PIK3C2G: variants seen among roughly 807,000 people sequenced by gnomAD.
PIK3C2G encodes phosphatidylinositol-4-phosphate 3-kinase catalytic subunit type 2 gamma.
A neutral mutation model predicts 181.1 loss-of-function variants in PIK3C2G; 168 were observed. That is an observed-to-expected ratio of 0.93 (90% CI 0.82 to 1.05). The LOEUF (loss-of-function observed/expected upper bound fraction) is 1.05, where lower values mean the gene tolerates loss of function less well. Among genes scored for constraint, PIK3C2G ranks in the 50% least tolerant of loss-of-function variants. The pLI is 0.00. For synonymous variants in PIK3C2G, 573 were observed against 592.2 expected (o/e 0.97, Z 0.47); for missense variants, 1,869 against 1,732.8 (o/e 1.08, Z -1.40).
At chr12:18,416,572 T>C (rs1945193370) in intron 16 of PIK3C2G, among the ~76,000 whole-genome samples, 1 of 152,224 alleles carries the variant, frequency 6.6e-6, no homozygotes, top group Non-Finnish European at 1.5e-5. Flanking sequence ...AATGCTCATT[T>C]ACTATTTCAA....
intron 2 of PIK3C2G, among the ~76,000 whole-genome samples, chr12:18,285,636 C>A (rs1949413263): frequency 6.6e-6 from 1 of 151,640 alleles, no homozygotes. Flanking sequence ...AATAGTAGTT[C>A]TAAGTAAACT....
At chr12:18,555,454 C>A (rs1944956914) in intron 26 of PIK3C2G, among the ~76,000 whole-genome samples, 1 of 152,256 alleles carries the variant, frequency 6.6e-6, no homozygotes, top group Admixed American at 6.5e-5. Context: ...CTGATAGACT[C>A]AATTGCCCAT....
chr12:18,622,515 T>TA (rs1472104469), intron 31 of PIK3C2G, among the ~76,000 whole-genome samples: 1 of 151,910 alleles, frequency 6.6e-6, no homozygotes, highest in African/African-American at 2.4e-5. Context: ...CTGCAATAAA[T>TA]ATGGCAGTGC....
intron 11 of PIK3C2G, among the ~76,000 whole-genome samples, chr12:18,355,977 A>G (rs190769263): frequency 2.6e-5 from 4 of 152,312 alleles, no homozygotes; most frequent in African/African-American, 9.6e-5. Context: ...TGACACCTTG[A>G]TAGACACTTG....
At chr12:18,554,109 A>T (rs1327800511) in intron 26 of PIK3C2G, among the ~76,000 whole-genome samples, 1 of 152,066 alleles carries the variant, frequency 6.6e-6, no homozygotes, top group Non-Finnish European at 1.5e-5. Context: ...AATATCCTAA[A>T]ATTGTTCAAC....
chr12:18,275,397 T>C (rs1486284522), intron 1 of PIK3C2G, among the ~76,000 whole-genome samples: 1 of 152,208 alleles, frequency 6.6e-6, no homozygotes, highest in Non-Finnish European at 1.5e-5. Context: ...TTTATTTTTT[T>C]TGAGATGGAG....
intron 20 of PIK3C2G, among the ~76,000 whole-genome samples, 162 bp downstream of exon 20, chr12:18,491,720 A>C (rs1160106977): frequency 1.3e-5 from 2 of 152,198 alleles, no homozygotes; most frequent in African/African-American, 4.8e-5. Flanking sequence ...CCTTTGATAC[A>C]CTAAGACCAG....
intron 24 of PIK3C2G, among the ~76,000 whole-genome samples, chr12:18,520,917 G>A (rs1248909838): frequency 2.6e-5 from 4 of 152,044 alleles, no homozygotes; most frequent in Admixed American, 2.6e-4. Context: ...CCCTTGGATG[G>A]GGTTTTTGTG....
At chr12:18,347,903 G>A (rs1160779194) in intron 11 of PIK3C2G, among the ~76,000 whole-genome samples, 1 of 152,004 alleles carries the variant, frequency 6.6e-6, no homozygotes, top group East Asian at 1.9e-4. Context: ...GTAAATTAAA[G>A]AGGAAATTTT....
At chr12:18,560,940 G>A (rs994611221) in intron 26 of PIK3C2G, among the ~76,000 whole-genome samples, 4 of 152,140 alleles carry the variant, frequency 2.6e-5, no homozygotes, top group Non-Finnish European at 5.9e-5. Context: ...TGTCATCAGA[G>A]TTTTGAACAG....
intron 31 of PIK3C2G, among the ~76,000 whole-genome samples, chr12:18,622,070 A>T (rs1948888058): frequency 6.6e-6 from 1 of 151,936 alleles, no homozygotes; most frequent in South Asian, 2.1e-4. Context: ...TAATTAAAAC[A>T]TTAGAAATTT....
intron 29 of PIK3C2G, among the ~76,000 whole-genome samples, chr12:18,573,721 T>C (rs1946091358): frequency 6.6e-6 from 1 of 152,186 alleles, no homozygotes; most frequent in Non-Finnish European, 1.5e-5. Context: ...ACTGCAGCCA[T>C]CACCCAAGCT....
chr12:18,467,595 T>C (rs939757064), intron 18 of PIK3C2G, among the ~76,000 whole-genome samples: 2 of 151,956 alleles, frequency 1.3e-5, no homozygotes, highest in Admixed American at 1.3e-4. Flanking sequence ...ACATTTCACT[T>C]TTGATAAATT....
chr12:18,449,587 G>T (rs913470454), intron 18 of PIK3C2G, among the ~76,000 whole-genome samples: 1 of 152,112 alleles, frequency 6.6e-6, no homozygotes, highest in Admixed American at 6.6e-5. Context: ...TGCTGAGAAT[G>T]ATGGTTTCCA....
upstream of PIK3C2G, among the ~76,000 whole-genome samples, chr12:18,245,275 G>T (rs1371315495): frequency 1.3e-5 from 2 of 152,032 alleles, no homozygotes; most frequent in African/African-American, 4.8e-5. Context: ...CTCATTTCCA[G>T]TGAATTCCAA....
intron 24 of PIK3C2G, among the ~76,000 whole-genome samples, chr12:18,510,428 C>T (rs1942131494): frequency 6.6e-6 from 1 of 152,128 alleles, no homozygotes; most frequent in African/African-American, 2.4e-5. Flanking sequence ...AATTTCAACT[C>T]AATAATTTCT....
At chr12:18,628,336 T>C (rs1949192904) in intron 31 of PIK3C2G, among the ~76,000 whole-genome samples, 1 of 152,208 alleles carries the variant, frequency 6.6e-6, no homozygotes, top group South Asian at 2.1e-4. Flanking sequence ...ATGTTTCACT[T>C]ACTTTATAAA....
At chr12:18,667,030 C>G in the PIK3C2G span, among the ~76,000 whole-genome samples, 1 of 152,118 alleles carries the variant, frequency 6.6e-6, no homozygotes, top group Non-Finnish European at 1.5e-5. Flanking sequence ...ATGGTGTAGG[C>G]TATATCACCA....
chr12:18,573,706 C>G (rs969404308), intron 29 of PIK3C2G, among the ~76,000 whole-genome samples: 1 of 152,184 alleles, frequency 6.6e-6, no homozygotes, highest in African/African-American at 2.4e-5. Context: ...AAAATGGAGT[C>G]TAAAACTGCA....
Sources: allele counts gnomAD v4.1 joint callset (sites outside exome capture counted in the v4.1 genomes callset), GRCh38; gene constraint gnomAD v4.1.1; transcripts MANE v1.5; gene names NCBI Gene and HGNC (gene_info 2026-07-23, HGNC 2026-07-21).